NELL1: variants seen among roughly 807,000 people sequenced by gnomAD.
NELL1 encodes the protein neural EGFL like 1.
NELL1 carries 76 observed loss-of-function variants against 107.4 expected under a neutral mutation model. That is an observed-to-expected ratio of 0.71 (90% CI 0.59 to 0.86). NELL1 has a LOEUF of 0.86. Ranked by LOEUF, NELL1 falls within the 40% of genes least tolerant of loss-of-function variation. NELL1 has a pLI of 0.00. For missense variants in NELL1, 1,024 were observed against 1,005.5 expected (o/e 1.02, Z -0.25); for synonymous variants, 353 against 341.2 (o/e 1.03, Z -0.38).
intron 16 of NELL1, among the ~76,000 whole-genome samples, chr11:21,538,320 TATC>T (rs1856193075): frequency 6.6e-6 from 1 of 152,156 alleles, no homozygotes; most frequent in South Asian, 2.1e-4. Context: ...ATAATATTGA[TATC>T]ATAAAGAACA....
intron 15 of NELL1, among the ~76,000 whole-genome samples, chr11:21,449,223 A>G (rs532775105): frequency 2.6e-5 from 4 of 152,282 alleles, no homozygotes; most frequent in African/African-American, 9.6e-5. Flanking sequence ...CCTGGGGTAC[A>G]GTCAGTCTTT....
chr11:21,049,746 C>T (rs936095381), intron 12 of NELL1, among the ~76,000 whole-genome samples: 1 of 151,776 alleles, frequency 6.6e-6, no homozygotes, highest in South Asian at 2.1e-4. Flanking sequence ...GGCATCATCT[C>T]AGCTCCCTGC....
chr11:21,571,058 G>T, intron 18 of NELL1, 118 bp downstream of exon 18: 1 of 844,802 alleles, frequency 1.2e-6, no homozygotes, highest in Non-Finnish European at 1.9e-6. Context: ...GCTCTGTGGG[G>T]CCTGTGGCTA....
chr11:20,922,465 CTTTT>C (rs1201890731), intron 7 of NELL1, among the ~76,000 whole-genome samples: 1 of 151,922 alleles, frequency 6.6e-6, no homozygotes, highest in Non-Finnish European at 1.5e-5. Context: ...ATGTAACTCA[CTTTT>C]TTGGCAGGTG....
chr11:21,410,783 GT>G (rs1852355724), intron 15 of NELL1, among the ~76,000 whole-genome samples: 1 of 152,064 alleles, frequency 6.6e-6, no homozygotes, highest in Admixed American at 6.6e-5. Context: ...GTGGTGTAGT[GT>G]GCCTGGTGAA....
At chr11:21,490,073 A>G (rs1035085512) in intron 15 of NELL1, among the ~76,000 whole-genome samples, 10 of 152,142 alleles carry the variant, frequency 6.6e-5, no homozygotes, top group African/African-American at 2.4e-4. Context: ...AATCTCCTAC[A>G]TTTGATATAT....
intron 14 of NELL1, among the ~76,000 whole-genome samples, chr11:21,282,482 A>C (rs1054630195): frequency 6.6e-6 from 1 of 151,246 alleles, no homozygotes; most frequent in East Asian, 1.9e-4. Context: ...CTGTCTCAAA[A>C]AAAAAAAAAA....
intron 15 of NELL1, among the ~76,000 whole-genome samples, chr11:21,404,327 C>A (rs1355782278): frequency 2.0e-5 from 3 of 151,872 alleles, no homozygotes; most frequent in African/African-American, 7.2e-5. Flanking sequence ...TTCTTGCTGT[C>A]CTTCAGTCAG....
At chr11:20,674,567 AG>A in intron 1 of NELL1, 1 of 1,520,728 alleles carries the variant, frequency 6.6e-7, no homozygotes, top group Non-Finnish European at 8.8e-7. Flanking sequence ...CAATCCCTTC[AG>A]GGAGGCAGGT....
At chr11:20,844,524 T>A (rs1381448513) in intron 3 of NELL1, among the ~76,000 whole-genome samples, 1 of 152,104 alleles carries the variant, frequency 6.6e-6, no homozygotes. Context: ...AAGACCCCAA[T>A]ACACCTGAGT....
chr11:21,174,504 G>T (rs1856672111), intron 13 of NELL1, among the ~76,000 whole-genome samples: 1 of 151,758 alleles, frequency 6.6e-6, no homozygotes, highest in Admixed American at 6.6e-5. Context: ...CATTTCAAAT[G>T]ATAAGGTAGT....
At chr11:21,524,988 A>G (rs929663676) in intron 15 of NELL1, among the ~76,000 whole-genome samples, 2 of 152,180 alleles carry the variant, frequency 1.3e-5, no homozygotes, top group Non-Finnish European at 2.9e-5. Context: ...GACCTATGAG[A>G]TTTGCAAATC....
chr11:21,395,913 A>G (rs1232172040), intron 15 of NELL1, among the ~76,000 whole-genome samples: 2 of 151,562 alleles, frequency 1.3e-5, no homozygotes, highest in Non-Finnish European at 3.0e-5. Context: ...ACAAACAAAA[A>G]AACAAAAAAA....
intron 14 of NELL1, among the ~76,000 whole-genome samples, chr11:21,308,472 A>C (rs78053110): frequency 2.3e-3 from 356 of 152,152 alleles, no homozygotes; most frequent in African/African-American, 8.1e-3. Flanking sequence ...TAAGGAGTAT[A>C]TAGGAATGAA....
chr11:20,830,272 T>G lies in NELL1; in HGVS notation c.336-17311T>G, dbSNP rs189572684. ...ACACCATCTCAAAAAAAAAAAAAAG[T>G]TTTTTTCCAGCCCTCAACTGAGAAA... On this transcript the variant is annotated intron_variant, in intron 3 of 19. Coordinates refer to ENST00000357134, the MANE Select transcript of NELL1 (RefSeq NM_006157.5). 1.6e-3 allele frequency among the ~76,000 whole-genome samples: 235 copies of G among 150,910 alleles called. 2 individuals carry two copies. Among genetic ancestry groups the G allele is most frequent in the Middle Eastern group, 6.8e-3 (2 of 292 alleles).
At chr11:21,051,423 T>C (rs530144788) in intron 12 of NELL1, among the ~76,000 whole-genome samples, 5 of 151,820 alleles carry the variant, frequency 3.3e-5, no homozygotes, top group African/African-American at 7.2e-5. Flanking sequence ...AGACTATACA[T>C]TGGGTACGTG....
rs576495454 is a variant in NELL1, at chr11:21,351,526, A to T, written c.1550-19327A>T. Among the ~76,000 whole-genome samples the T allele has an allele frequency of 1.8e-3, 280 of 152,044 alleles. 10 individuals carry two copies. The South Asian group carries it at 0.055, about 30-fold the overall frequency. ...TGCAGTCCATATTATTTCCAGTAAA[A>T]AAAAAAAAAAGAAACTTTTTAAATT... On this transcript the variant is annotated intron_variant, in intron 14 of 19. Coordinates refer to ENST00000357134, the MANE Select transcript of NELL1 (RefSeq NM_006157.5).
intron 2 of NELL1, among the ~76,000 whole-genome samples, chr11:20,782,111 G>A (rs969715529): frequency 6.6e-6 from 1 of 151,788 alleles, no homozygotes; most frequent in Admixed American, 6.6e-5. Context: ...TTAGTTTACA[G>A]AGTGATTTGC....
intron 14 of NELL1, among the ~76,000 whole-genome samples, chr11:21,275,330 C>A (rs933033112): frequency 6.6e-5 from 10 of 152,170 alleles, no homozygotes; most frequent in Non-Finnish European, 7.3e-5. Context: ...GACACATACA[C>A]CCTCCTGAGA....
Sources: allele counts gnomAD v4.1 joint callset (sites outside exome capture counted in the v4.1 genomes callset), GRCh38; gene constraint gnomAD v4.1.1; transcripts MANE v1.5; gene names NCBI Gene and HGNC (gene_info 2026-07-23, HGNC 2026-07-21).